Variants in FAM50B observed in about 807,000 individuals in gnomAD.
FAM50B encodes the protein family with sequence similarity 50 member B.
FAM50B carries 9 observed loss-of-function variants against 25.4 expected under a neutral mutation model. The observed-to-expected ratio is 0.35, with a 90% CI of 0.21 to 0.62. The LOEUF (loss-of-function observed/expected upper bound fraction) is 0.62, where lower values mean the gene tolerates loss of function less well. FAM50B is among the 20% of genes least tolerant of loss of function. The pLI, the probability that FAM50B is intolerant of heterozygous loss-of-function variation, is 0.73. For synonymous variants in FAM50B, 212 were observed against 204.3 expected, an observed-to-expected ratio of 1.04 and a Z score of -0.32; for missense variants, 372 against 477.9, an observed-to-expected ratio of 0.78 and a Z score of 2.07.
At chr6:3,841,984 CCAGT>C in the FAM50B span, among the ~76,000 whole-genome samples, 6 of 152,174 alleles carry the variant, frequency 3.9e-5, no homozygotes, top group Non-Finnish European at 7.3e-5. Flanking sequence ...ATCCCTGAGC[CCAGT>C]CAAAGGTCCA....
the FAM50B span, among the ~76,000 whole-genome samples, chr6:3,843,999 G>T: frequency 6.6e-6 from 1 of 152,334 alleles, no homozygotes; most frequent in Admixed American, 6.5e-5. Flanking sequence ...TGACTCTGGA[G>T]AGGACAGTAT....
chr6:3,838,657 T>C, the FAM50B span, among the ~76,000 whole-genome samples: 16 of 151,770 alleles, frequency 1.1e-4, no homozygotes, highest in Non-Finnish European at 2.1e-4. Context: ...TCCTGGTCAA[T>C]ATGGTGAAAC....
At chr6:3,838,986 C>A in the FAM50B span, among the ~76,000 whole-genome samples, 23,617 of 151,616 alleles carry the variant, frequency 0.16, 2,039 homozygotes, top group East Asian at 0.26. Flanking sequence ...TTGTATGATT[C>A]CATGATGTGA....
the FAM50B span, among the ~76,000 whole-genome samples, chr6:3,840,019 G>T: frequency 1.3e-5 from 2 of 151,692 alleles, no homozygotes; most frequent in African/African-American, 4.9e-5. Flanking sequence ...TTGAGACGGA[G>T]TCTCACTCTG....
rs1002267302 is a variant in FAM50B at position 3,849,496 on chromosome 6, C to A, written c.-24+10C>A. 8 of 319,766 alleles carry A rather than the reference C, an allele frequency of 2.5e-5. 1 individual carries two copies. Among genetic ancestry groups the A allele is most frequent in the African/African-American group, 1.7e-4 (8 of 46,526 alleles). 19.8% of individuals were successfully genotyped at this position (319,766 alleles called of 1,614,324 possible). Reference sequence around the variant, plus strand: ...CAGGGTGCTTGGGCAGGTAAGGGTCCGCTCAGTAGCCCAACCCTCTCTGTA... The same window carrying A: ...CAGGGTGCTTGGGCAGGTAAGGGTCAGCTCAGTAGCCCAACCCTCTCTGTA... On this transcript the variant is annotated intron_variant, in intron 1 of 1. Coordinates refer to ENST00000648326, the MANE Select transcript of FAM50B (RefSeq NM_012135.3).
chr6:3,832,524 G>T, the FAM50B span, among the ~76,000 whole-genome samples: 1 of 152,234 alleles, frequency 6.6e-6, no homozygotes, highest in African/African-American at 2.4e-5. Flanking sequence ...CTCAGATGCA[G>T]TGGCTGGCTG....
upstream of FAM50B, among the ~76,000 whole-genome samples, chr6:3,849,003 T>C (rs1762157736): frequency 6.6e-6 from 1 of 152,140 alleles, no homozygotes; most frequent in Admixed American, 6.5e-5. Flanking sequence ...AGCAGGGCCG[T>C]GTTGCAAGGC....
At chr6:3,849,108 TG>T (rs1281437599), upstream of FAM50B, among the ~76,000 whole-genome samples, 1 of 152,118 alleles carries the variant, frequency 6.6e-6, no homozygotes, top group Non-Finnish European at 1.5e-5. Context: ...GCACAGCAGG[TG>T]GGGGCCCGCC....
At position 3,850,507 on chromosome 6, in the gene FAM50B, G is replaced by A; in HGVS notation, c.696G>A (p.Val232=). 6.2e-7 allele frequency: 1 copy of A among 1,613,798 alleles called. No homozygotes were observed. The highest frequency in any genetic ancestry group is 8.5e-7 in the Non-Finnish European group (1 of 1,180,030). The change falls in exon 2 of 2, where the codon GTG becomes GTA. Residue 232 remains valine, a synonymous_variant. Transcript: ENST00000648326. Reference sequence around the variant, plus strand: ...TCCTGGAGCTGCGCTCCGCCGGCGTGGAGCAGCTCATGTTCATCAAGGAGG... The same window carrying A: ...TCCTGGAGCTGCGCTCCGCCGGCGTAGAGCAGCTCATGTTCATCAAGGAGG... ...KDFLELRSAG[V]EQLMFIKEDL...
chr6:3,835,153 G>A, the FAM50B span, among the ~76,000 whole-genome samples: 44 of 152,154 alleles, frequency 2.9e-4, no homozygotes, highest in African/African-American at 1.0e-3. Flanking sequence ...TTGTGTTAGG[G>A]CAGGGTGGAA....
In FAM50B at chr6:3,851,192, T is replaced by C. The variant is rs1308594991; in HGVS notation, c.*403T>C. ...TTTGGGTAAGCTTATTAAACCCCCA[T>C]GCCTCAGTTTGGTCACCTGTAAAAG... On this transcript the variant is annotated 3_prime_UTR_variant, in exon 2 of 2. Transcript: ENST00000648326. The C allele has an allele frequency of 1.4e-5, 3 of 211,192 alleles. No individual in the cohort carries two copies. In the East Asian group the frequency reaches 3.8e-4, roughly 27 times the overall value. The allele number at this position is 211,192 out of a possible 1,614,324, so 13.1% of individuals were successfully genotyped here.
chr6:3,835,229 A>G, the FAM50B span, among the ~76,000 whole-genome samples: 1 of 152,146 alleles, frequency 6.6e-6, no homozygotes, highest in Non-Finnish European at 1.5e-5. Context: ...GAAATGGAGA[A>G]ATTTCACAGG....
the FAM50B span, among the ~76,000 whole-genome samples, chr6:3,839,881 C>G: frequency 7.2e-5 from 11 of 152,122 alleles, no homozygotes; most frequent in Admixed American, 7.2e-4. Flanking sequence ...AGCGGTGGCT[C>G]AAGCCTGTAA....
chr6:3,850,654 C>A lies in FAM50B; in HGVS notation c.843C>A (p.Thr281=). Residue 281 remains threonine (T), a synonymous_variant, in exon 2 of 2, where the codon ACC becomes ACA. Coordinates refer to ENST00000648326, the MANE Select transcript of FAM50B (RefSeq NM_012135.3). ...ACGTGCGCCTGCTCAGCGACGCCAC[C>A]ATGGAGAAGGACGAGTCGCACGCGG... The part of the protein sequence containing the change: ...HDDVRLLSDA[T]MEKDESHAGK... The A allele has an allele frequency of 6.2e-7, 1 of 1,614,144 alleles. No individual in the cohort carries two copies. Among genetic ancestry groups the A allele is most frequent in the South Asian group, 1.1e-5 (1 of 91,086 alleles).
At chr6:3,836,639 A>G in the FAM50B span, among the ~76,000 whole-genome samples, 1 of 152,190 alleles carries the variant, frequency 6.6e-6, no homozygotes, top group Non-Finnish European at 1.5e-5. Context: ...CTCTCGAACT[A>G]TTACATCTTA....
At chr6:3,842,288 T>C in the FAM50B span, among the ~76,000 whole-genome samples, 3 of 152,192 alleles carry the variant, frequency 2.0e-5, no homozygotes, top group South Asian at 2.1e-4. Flanking sequence ...CTGTGAAACG[T>C]AGTGTGCGAA....
At chr6:3,834,794 G>A in the FAM50B span, among the ~76,000 whole-genome samples, 11 of 152,158 alleles carry the variant, frequency 7.2e-5, no homozygotes, top group East Asian at 1.9e-3. Flanking sequence ...GATCAGGTAG[G>A]CCTTTTAGTG....
At chr6:3,841,170 C>T in the FAM50B span, among the ~76,000 whole-genome samples, 3 of 152,212 alleles carry the variant, frequency 2.0e-5, no homozygotes, top group Admixed American at 2.0e-4. Flanking sequence ...ATACATTGCA[C>T]AACTCTCCTG....
chr6:3,845,694 A>G (rs1323300952), upstream of FAM50B, among the ~76,000 whole-genome samples: 1 of 152,112 alleles, frequency 6.6e-6, no homozygotes, highest in East Asian at 1.9e-4. Context: ...TAGAAAGAGT[A>G]CGTCCAGAGG....
Sources: allele counts gnomAD v4.1 joint callset (sites outside exome capture counted in the v4.1 genomes callset), GRCh38; gene constraint gnomAD v4.1.1; transcripts MANE v1.5; gene names NCBI Gene and HGNC (gene_info 2026-07-23, HGNC 2026-07-21).